Variants in OLFM2 observed in about 807,000 individuals in gnomAD.
OLFM2 encodes the protein noelin-2.
In OLFM2, 20 loss-of-function variants were observed where a neutral mutation model predicts 43.9. The ratio of observed to expected loss-of-function variants is 0.46; its 90% confidence interval spans 0.32 to 0.66. The LOEUF (loss-of-function observed/expected upper bound fraction) is 0.66, where lower values mean the gene tolerates loss of function less well. Ranked by LOEUF, OLFM2 falls within the 30% of genes least tolerant of loss-of-function variation. The pLI is 0.04. For missense variants in OLFM2, 416 were observed against 643.6 expected, an observed-to-expected ratio of 0.65 and a Z score of 3.83; for synonymous variants, 268 against 278.6, an observed-to-expected ratio of 0.96 and a Z score of 0.38.
Position 9,895,253 on chromosome 19 carries a change from C to T in OLFM2, c.64-34459G>A, listed in dbSNP as rs564791847. ...CTGTTATCCCAGCACTTTGGGAGGC[C>T]GAGGTGGGAGGACTGCTTGATCCTA... is the stretch of plus-strand genomic sequence containing the variant. On this transcript the variant is annotated intron_variant, in intron 1 of 5. Coordinates refer to ENST00000264833, the MANE Select transcript of OLFM2 (RefSeq NM_058164.4). Among the ~76,000 whole-genome samples the T allele has an allele frequency of 7.2e-4, 110 of 152,052 alleles. 1 individual carries two copies. The Middle Eastern group carries it at 0.02, about 28-fold the overall frequency.
At chr19:9,919,383 G>A (rs1201155031) in intron 1 of OLFM2, among the ~76,000 whole-genome samples, 4 of 152,056 alleles carry the variant, frequency 2.6e-5, no homozygotes, top group Non-Finnish European at 4.4e-5. Flanking sequence ...AGCCAGGATG[G>A]TCTCGATCTC....
In OLFM2 at chr19:9,854,632, C is replaced by T. The variant is rs2046298988; in HGVS notation, c.919G>A (p.Ala307Thr). The T allele has an allele frequency of 5.0e-6, 8 of 1,614,158 alleles. No homozygotes were observed. The highest frequency in any genetic ancestry group is 5.9e-6 in the Non-Finnish European group (7 of 1,180,008). The change falls in exon 6 of 6, where the codon GCC (alanine) becomes ACC (threonine). Residue 307 changes from alanine (A) to threonine (T), a missense_variant. Coordinates refer to ENST00000264833, the MANE Select transcript of OLFM2 (RefSeq NM_058164.4). The surrounding 1 kb of genome is among the most constrained non-coding windows in gnomAD (Gnocchi z 9.5). ...SVLVQRSLPGAGYNNTFPYSW... is the reference protein window; with the variant it reads ...SVLVQRSLPGTGYNNTFPYSW... ...TAGGGGAAGGTGTTGTTGTAACCGG[C>T]GCCCGGGAGGCTCCTCTGCACCAGC...
At chr19:9,927,433 T>C (rs555336487) in intron 1 of OLFM2, among the ~76,000 whole-genome samples, 1 of 152,292 alleles carries the variant, frequency 6.6e-6, no homozygotes, top group African/African-American at 2.4e-5. Flanking sequence ...CTTACCCTAG[T>C]TCCCATTTCC....
chr19:9,871,594 T>G (rs1300237008), intron 1 of OLFM2, among the ~76,000 whole-genome samples: 1 of 145,194 alleles, frequency 6.9e-6, no homozygotes, highest in African/African-American at 2.5e-5. Context: ...AAAAAAAAGC[T>G]CTTTGCCAAA....
chr19:9,865,997 C>G lies in OLFM2; in HGVS notation c.64-5203G>C, dbSNP rs183790696. Among the ~76,000 whole-genome samples, 274 of 152,146 alleles carry G rather than the reference C, an allele frequency of 1.8e-3. 3 individuals carry two copies. Among genetic ancestry groups the G allele is most frequent in the Non-Finnish European group, 2.7e-3 (185 of 68,000 alleles). ...ATCTTCCTACATTGCCTAGCGTGTC[C>G]GTTGAAGCAAATAAGCCATTTTCTC... On this transcript the variant is annotated intron_variant, in intron 1 of 5. Transcript: ENST00000264833.
intron 1 of OLFM2, among the ~76,000 whole-genome samples, chr19:9,897,444 G>A (rs1235282336): frequency 6.6e-6 from 1 of 152,136 alleles, no homozygotes; most frequent in Non-Finnish European, 1.5e-5. Context: ...GCTGCCGTGA[G>A]CTGGGATCGC....
At chr19:9,905,548 G>A (rs2046778677) in intron 1 of OLFM2, among the ~76,000 whole-genome samples, 1 of 151,732 alleles carries the variant, frequency 6.6e-6, no homozygotes, top group Non-Finnish European at 1.5e-5. Flanking sequence ...GGCTGAGGCA[G>A]GAGAATCACT....
chr19:9,867,466 T>C (rs978585698), intron 1 of OLFM2, among the ~76,000 whole-genome samples: 2 of 152,088 alleles, frequency 1.3e-5, no homozygotes, highest in African/African-American at 4.8e-5. Context: ...AGGAGAAGCA[T>C]TGGCTATCAG....
chr19:9,904,471 G>A (rs907601937), intron 1 of OLFM2, among the ~76,000 whole-genome samples: 5 of 151,886 alleles, frequency 3.3e-5, no homozygotes, highest in South Asian at 2.1e-4. Context: ...GATTATAGGC[G>A]TAAGCCACCA....
intron 2 of OLFM2, among the ~76,000 whole-genome samples, chr19:9,859,292 A>G (rs1432905559): frequency 1.4e-5 from 2 of 147,514 alleles, no homozygotes; most frequent in African/African-American, 2.5e-5. Context: ...TCCAGAAATC[A>G]ACAATTTGTA....
intron 1 of OLFM2, among the ~76,000 whole-genome samples, chr19:9,871,498 T>C (rs2046441696): frequency 6.9e-6 from 1 of 144,058 alleles, no homozygotes; most frequent in Non-Finnish European, 1.5e-5. Context: ...GCTTGAACCC[T>C]GGAGGCGAAG....
Position 9,936,359 on chromosome 19 carries a change from G to A in OLFM2, c.8C>T (p.Pro3Leu). 2 of 1,498,756 alleles carry A rather than the reference G, an allele frequency of 1.3e-6. No individual in the cohort carries two copies. Among genetic ancestry groups the A allele is most frequent in the South Asian group, 1.2e-5 (1 of 80,600 alleles). The allele number at this position is 1,498,756 out of a possible 1,614,324, so 92.8% of individuals were successfully genotyped here. The change falls in exon 1 of 6, where the codon CCG (proline) becomes CTG (leucine). Residue 3 changes from proline to leucine, a missense_variant. Physicochemically the swap from Pro to Leu is moderately conservative, Grantham distance 98. Coordinates refer to ENST00000264833, the MANE Select transcript of OLFM2 (RefSeq NM_058164.4). ...CAGCAGCGGCGGCGGGACCGTGAGC[G>A]GCCACATGACGCGCCCCTAGCCCGG... is the stretch of plus-strand genomic sequence containing the variant. MW[P>L]LTVPPPLLLL...
chr19:9,881,820 A>G (rs967257359), intron 1 of OLFM2, among the ~76,000 whole-genome samples: 3 of 152,008 alleles, frequency 2.0e-5, no homozygotes, highest in Non-Finnish European at 4.4e-5. Flanking sequence ...TCTTATACAG[A>G]CATGAGTCAT....
intron 1 of OLFM2, among the ~76,000 whole-genome samples, chr19:9,881,134 T>G (rs1481328018): frequency 6.6e-6 from 1 of 152,168 alleles, no homozygotes; most frequent in Non-Finnish European, 1.5e-5. Context: ...TGACCTCAAG[T>G]GATCTGCCTG....
intron 1 of OLFM2, among the ~76,000 whole-genome samples, chr19:9,921,491 A>T (rs1006364143): frequency 2.1e-4 from 30 of 142,054 alleles, no homozygotes; most frequent in East Asian, 4.2e-4. Context: ...ACTACATTAA[A>T]TTTTTTTTTT....
In OLFM2 at chr19:9,856,249, C is replaced by T. The variant is rs901629735; in HGVS notation, c.687+558G>A. ...GAGTAGCTGGGATTACAGGCATGCACCACCATGTCCGGCTAATTTTGTATT... is the reference window on the plus strand; with the variant it reads ...GAGTAGCTGGGATTACAGGCATGCATCACCATGTCCGGCTAATTTTGTATT... On this transcript the variant is annotated intron_variant, in intron 5 of 5. Coordinates refer to ENST00000264833, the MANE Select transcript of OLFM2 (RefSeq NM_058164.4). This position sits in a 1 kb window ranked among gnomAD's most constrained non-coding sequence, Gnocchi z 4.0. 2.0e-5 allele frequency among the ~76,000 whole-genome samples: 3 copies of T among 152,216 alleles called. No homozygotes were observed. Among genetic ancestry groups the T allele is most frequent in the African/African-American group, 7.2e-5 (3 of 41,456 alleles).
chr19:9,884,832 T>C (rs1361703715), intron 1 of OLFM2, among the ~76,000 whole-genome samples: 2 of 152,180 alleles, frequency 1.3e-5, no homozygotes, highest in Non-Finnish European at 2.9e-5. Context: ...TCTTCCATGC[T>C]ATGGTCCCAA....
intron 1 of OLFM2, among the ~76,000 whole-genome samples, chr19:9,897,650 C>T (rs900576603): frequency 2.0e-5 from 3 of 152,204 alleles, no homozygotes; most frequent in African/African-American, 7.2e-5. Context: ...CTCCCGGTCT[C>T]AGTAAAGGTC....
rs2046293660 is a variant in OLFM2 at position 9,854,138 on chromosome 19, C to T, written c.*48G>A. On this transcript the variant is annotated 3_prime_UTR_variant, in exon 6 of 6. Transcript: ENST00000264833. This position sits in a 1 kb window ranked among gnomAD's most constrained non-coding sequence, Gnocchi z 9.5. ...GACACAGGCAGAATGAAAAGGGCCC[C>T]CAGCCCCCAGAGGCCCCCCAGGCAG... 4 of 1,579,644 alleles carry T rather than the reference C, an allele frequency of 2.5e-6. No individual in the cohort carries two copies. Among genetic ancestry groups the T allele is most frequent in the Non-Finnish European group, 3.5e-6 (4 of 1,151,854 alleles).
Sources: allele counts gnomAD v4.1 joint callset (sites outside exome capture counted in the v4.1 genomes callset), GRCh38; gene constraint gnomAD v4.1.1; non-coding constraint Gnocchi (gnomAD v3.1); transcripts MANE v1.5; gene names NCBI Gene and HGNC (gene_info 2026-07-23, HGNC 2026-07-21).